The following SARS1 variants were observed in gnomAD, a reference collection of about 807,000 sequenced individuals.
SARS1 encodes serine--tRNA ligase, cytoplasmic.
SARS1 carries 25 observed loss-of-function variants against 63.7 expected under a neutral mutation model. The ratio of observed to expected loss-of-function variants is 0.39; its 90% CI spans 0.29 to 0.55. SARS1 has a LOEUF of 0.55. Among genes scored for constraint, SARS1 ranks in the 20% least tolerant of loss-of-function variants. The pLI is 0.62. For synonymous variants in SARS1, 231 were observed against 243.5 expected (o/e 0.95, Z 0.48); for missense variants, 417 against 649.7 (o/e 0.64, Z 3.89).
intron 4 of SARS1, 60 bp from the exon 5 acceptor site, chr1:109,230,818 T>A (rs59776706): frequency 3.9e-4 from 559 of 1,427,742 alleles, no homozygotes; most frequent in East Asian, 3.5e-3. Context: ...AAAAAAAAAA[T>A]AATTTAAAAA....
intron 1 of SARS1, chr1:109,215,492 A>G: frequency 1.0e-6 from 1 of 985,110 alleles, no homozygotes; most frequent in Non-Finnish European, 1.2e-6. Flanking sequence ...CATACAGTAT[A>G]TATGTGGATA....
intron 1 of SARS1, among the ~76,000 whole-genome samples, chr1:109,217,901 A>G (rs1159765851): frequency 6.6e-6 from 1 of 152,102 alleles, no homozygotes; most frequent in African/African-American, 2.4e-5. Flanking sequence ...TTTTTAAATT[A>G]CTGAAACTAG....
intron 1 of SARS1, chr1:109,216,539 G>T (rs1354044625): frequency 1.0e-5 from 10 of 984,954 alleles, no homozygotes; most frequent in Non-Finnish European, 1.2e-5. Context: ...CTGGAAATCT[G>T]CTGCAAACCC....
At position 109,231,705 on chromosome 1, in the gene SARS1, C is replaced by T; in HGVS notation, c.666C>T (p.Pro222=). Residue 222 remains proline, a synonymous_variant, in exon 6 of 11, where the codon CCC becomes CCT. Transcript: ENST00000234677. ...CCTTGGGAAGTCGGGGCTACATTCC[C>T]ATTTATACCCCCTTTTTCATGAGGA... The part of the protein sequence containing the change: ...LRTLGSRGYI[P]IYTPFFMRKE... The T allele has an allele frequency of 6.3e-7, 1 of 1,596,956 alleles. No homozygotes were observed. Among genetic ancestry groups the T allele is most frequent in the Non-Finnish European group, 8.5e-7 (1 of 1,172,590 alleles).
At chr1:109,217,914 C>T (rs1003638659) in intron 1 of SARS1, among the ~76,000 whole-genome samples, 1 of 151,962 alleles carries the variant, frequency 6.6e-6, no homozygotes, top group East Asian at 1.9e-4. Context: ...GAAACTAGCC[C>T]GGTGCGGTGA....
At chr1:109,229,683 C>T (rs1655167522) in intron 4 of SARS1, 111 bp downstream of exon 4, 1 of 1,101,804 alleles carries the variant, frequency 9.1e-7, no homozygotes, top group Admixed American at 2.3e-5. Context: ...GAAGCAGGTT[C>T]TTTGTATATT....
At chr1:109,230,590 C>T (rs553502208) in intron 4 of SARS1, among the ~76,000 whole-genome samples, 301 of 152,188 alleles carry the variant, frequency 2.0e-3, no homozygotes, top group Admixed American at 3.2e-3. Context: ...GCGGATCACT[C>T]GAGCCCAGGA....
intron 3 of SARS1, 102 bp downstream of exon 3, chr1:109,228,534 A>G: frequency 1.3e-6 from 1 of 751,552 alleles, no homozygotes; most frequent in South Asian, 1.6e-5. Context: ...GCATTGTGAC[A>G]TCCTTTCATT....
At chr1:109,217,312 T>A in intron 1 of SARS1, 1 of 204,198 alleles carries the variant, frequency 4.9e-6, no homozygotes, top group Non-Finnish European at 8.6e-6. Flanking sequence ...ACACTGATGT[T>A]AACCTACAGT....
intron 1 of SARS1, chr1:109,215,275 A>G: frequency 1.0e-6 from 1 of 985,450 alleles, no homozygotes; most frequent in Non-Finnish European, 1.2e-6. Context: ...TTTTTTGTTT[A>G]GGATAAAACT....
rs1448085923 is a variant in SARS1 at position 109,214,540 on chromosome 1, T to C, written c.136+412T>C. On this transcript the variant is annotated intron_variant, in intron 1 of 10. Transcript: ENST00000234677. The surrounding 1 kb of genome is among the most constrained non-coding windows in gnomAD (Gnocchi z 4.6). Reference sequence around the variant, plus strand: ...AAGGCCAGAGTGGTTTTCCTTTGTTTTGATAGGATCAAAGGCTTCTCCTGA... The same window carrying C: ...AAGGCCAGAGTGGTTTTCCTTTGTTCTGATAGGATCAAAGGCTTCTCCTGA... 2 of 1,001,906 alleles carry C rather than the reference T, an allele frequency of 2.0e-6. No individual in the cohort carries two copies. The highest frequency in any genetic ancestry group is 2.4e-6 in the Non-Finnish European group (2 of 839,464). The allele number at this position is 1,001,906 out of a possible 1,614,324, so 62.1% of individuals were successfully genotyped here. A position where few individuals can be genotyped will look rare whatever the true frequency, so the allele number is the denominator to read the frequency against.
At chr1:109,229,656 A>G (rs1655165458) in intron 4 of SARS1, 84 bp downstream of exon 4, 1 of 1,376,708 alleles carries the variant, frequency 7.3e-7, no homozygotes. Context: ...TCTGTGGAAC[A>G]CTGGCATTGT....
intron 1 of SARS1, chr1:109,216,707 A>G (rs767306486): frequency 6.5e-6 from 4 of 619,032 alleles, no homozygotes; most frequent in African/African-American, 4.0e-5. Context: ...TGCAGCCTCA[A>G]TCTCCCCAGG....
intron 1 of SARS1, among the ~76,000 whole-genome samples, chr1:109,223,006 C>A (rs190967901): frequency 1.3e-5 from 2 of 152,262 alleles, no homozygotes; most frequent in South Asian, 2.1e-4. Flanking sequence ...CAGAGTGAGA[C>A]CCTGTCTCAA....
At chr1:109,215,699 CTTTG>C in intron 1 of SARS1, 1 of 936,696 alleles carries the variant, frequency 1.1e-6, no homozygotes, top group Non-Finnish European at 1.3e-6. Context: ...CATTTCTTTT[CTTTG>C]TTTTGTTTTG....
chr1:109,218,392 A>G (rs907707607), intron 1 of SARS1, among the ~76,000 whole-genome samples: 5 of 139,722 alleles, frequency 3.6e-5, no homozygotes, highest in African/African-American at 1.3e-4. Context: ...TACTGAAACT[A>G]CTGAGATATT....
chr1:109,229,688 T>C (rs986221590), intron 4 of SARS1, 116 bp downstream of exon 4: 15 of 1,053,768 alleles, frequency 1.4e-5, no homozygotes, highest in Non-Finnish European at 1.9e-5. Context: ...AGGTTCTTTG[T>C]ATATTCCCTC....
At position 109,235,953 on chromosome 1, in the gene SARS1, G is replaced by A. The variant is rs78118025; in HGVS notation, c.970-24G>A. On this transcript the variant is annotated intron_variant, in intron 7 of 10. Transcript: ENST00000234677. This position sits in a 1 kb window ranked among gnomAD's most constrained non-coding sequence, Gnocchi z 4.7. ...TTATTCACCCTATACCGCTGTCACC[G>A]TTTCCTTGGGTCCCTCTCTGCAGAT... 2.4e-3 allele frequency: 3,772 copies of A among 1,587,086 alleles called. 75 individuals are homozygous for A. In the African/African-American group the frequency reaches 0.042, roughly 18 times the overall value.
rs1655281172 is a variant in SARS1 at position 109,235,073 on chromosome 1, G to A, written c.748-137G>A. The A allele has an allele frequency of 2.9e-6, 2 of 683,766 alleles. No individual in the cohort carries two copies. Among genetic ancestry groups the A allele is most frequent in the Non-Finnish European group, 5.2e-6 (2 of 383,880 alleles). 42.4% of individuals were successfully genotyped at this position (683,766 alleles called of 1,614,324 possible). ...ACTGACCCATTCCTTTATCTTTTTA[G>A]TATTCTCTCCCCACTCCCAGGCAGG... On this transcript the variant is annotated intron_variant, in intron 6 of 10. Coordinates refer to ENST00000234677, the MANE Select transcript of SARS1 (RefSeq NM_006513.4). The surrounding 1 kb of genome is among the most constrained non-coding windows in gnomAD (Gnocchi z 4.7).
Sources: allele counts gnomAD v4.1 joint callset (sites outside exome capture counted in the v4.1 genomes callset), GRCh38; gene constraint gnomAD v4.1.1; non-coding constraint Gnocchi (gnomAD v3.1); transcripts MANE v1.5; gene names NCBI Gene and HGNC (gene_info 2026-07-23, HGNC 2026-07-21).